ADCY10: variants seen among roughly 807,000 people sequenced by gnomAD.
ADCY10 encodes adenylate cyclase type 10.
In ADCY10, 156 loss-of-function variants were observed where a neutral mutation model predicts 183.3. That is an observed-to-expected ratio of 0.85 (90% CI 0.75 to 0.97). ADCY10 has a LOEUF of 0.97. Ranked by LOEUF, ADCY10 falls within the 50% of genes least tolerant of loss-of-function variation. ADCY10 has a pLI of 0.00. For missense variants in ADCY10, 1,745 were observed against 1,934.3 expected, an observed-to-expected ratio of 0.90 and a Z score of 1.84; for synonymous variants, 645 against 670.0, an observed-to-expected ratio of 0.96 and a Z score of 0.58.
At chr1:167,909,373 T>C (rs1670010766) in intron 1 of ADCY10, among the ~76,000 whole-genome samples, 2 of 152,200 alleles carry the variant, frequency 1.3e-5, no homozygotes, top group Non-Finnish European at 2.9e-5. Flanking sequence ...AAAAGATGTA[T>C]GCATTTCTCC....
chr1:167,848,570 G>C, intron 18 of ADCY10, 81 bp from the exon 19 acceptor site: 1 of 1,472,232 alleles, frequency 6.8e-7, no homozygotes, highest in Non-Finnish European at 9.5e-7. Flanking sequence ...CTTTGAGATG[G>C]ATCTCATATG....
Position 167,846,118 on chromosome 1 carries a change from C to T in ADCY10, c.2583G>A (p.Leu861=). 2.5e-6 allele frequency: 4 copies of T among 1,614,152 alleles called. No individual in the cohort carries two copies. The highest frequency in any genetic ancestry group is 2.5e-6 in the Non-Finnish European group (3 of 1,180,018). Residue 861 remains leucine (L), a synonymous_variant, in exon 20 of 33, where the codon CTG becomes CTA. Transcript: ENST00000367851. ...CWNMKMMIKT[L]ATLVESNIFY... The stretch of plus-strand genomic sequence containing the variant: ...AAATGTTAGATTCCACTAGGGTTGC[C>T]AGGGTCTTGATCATCATCTTCATAT...
At chr1:167,853,097 C>T (rs891061621) in intron 18 of ADCY10, among the ~76,000 whole-genome samples, 1 of 152,166 alleles carries the variant, frequency 6.6e-6, no homozygotes, top group African/African-American at 2.4e-5. Flanking sequence ...ACCGTATTCA[C>T]CTCATCATGA....
intron 25 of ADCY10, among the ~76,000 whole-genome samples, chr1:167,830,569 T>G (rs1663646252): frequency 6.6e-6 from 1 of 152,098 alleles, no homozygotes; most frequent in South Asian, 2.1e-4. Context: ...TTATTTTGTG[T>G]TTTTGGTAGA....
At position 167,875,130 on chromosome 1, in the gene ADCY10, C is replaced by A. The variant is rs1667359644; in HGVS notation, c.1462+1G>T. On this transcript the variant is annotated splice_donor_variant, in intron 13 of 32. Transcript: ENST00000367851. LOFTEE classifies it high-confidence loss of function. ...GTTTAAAATCAAGGCCTACTACCTA[C>A]CCAGCAAAGGGTAATCCTCCTTTCT... 1.9e-6 allele frequency: 3 copies of A among 1,613,858 alleles called. No homozygotes were observed. Among genetic ancestry groups the A allele is most frequent in the Non-Finnish European group, 2.5e-6 (3 of 1,179,866 alleles).
intron 16 of ADCY10, among the ~76,000 whole-genome samples, chr1:167,858,148 T>G (rs1212254589): frequency 6.6e-6 from 1 of 152,032 alleles, no homozygotes; most frequent in Non-Finnish European, 1.5e-5. Context: ...TATGTACAAT[T>G]ATGAGGCACA....
chr1:167,866,508 C>T (rs527564954), intron 14 of ADCY10, among the ~76,000 whole-genome samples: 7 of 132,642 alleles, frequency 5.3e-5, no homozygotes, highest in African/African-American at 1.1e-4. Flanking sequence ...CCTGACCTGA[C>T]GAAAGTGCAC....
rs1227571717 is a variant in ADCY10, at chr1:167,829,191, C to T, written c.3750+76G>A. 3.9e-6 allele frequency: 6 copies of T among 1,553,258 alleles called. No homozygotes were observed. The African/African-American group carries it at 8.1e-5, about 21-fold the overall frequency. ...TATTATATCCTCAGAATTTTGAATC[C>T]TAATTGGCTTTCACTAGGCTTTTCT... On this transcript the variant is annotated intron_variant, in intron 26 of 32. Transcript: ENST00000367851.
chr1:167,904,029 G>T, intron 2 of ADCY10, 38 bp from the exon 3 acceptor site: 1 of 1,453,340 alleles, frequency 6.9e-7, no homozygotes, highest in Non-Finnish European at 9.6e-7. Flanking sequence ...TGGCTGCTTG[G>T]GGGAATCAAA....
chr1:167,882,705 G>A (rs1667954027), intron 9 of ADCY10, among the ~76,000 whole-genome samples: 2 of 73,630 alleles, frequency 2.7e-5, no homozygotes, highest in South Asian at 3.1e-4. Context: ...TGTGTAGTGA[G>A]AGGTAGCCCA....
Position 167,824,845 on chromosome 1 carries a change from GC to G in ADCY10, c.3760del (p.Ala1254LeufsTer3). ...ETQNCFQIIK[A>X]YLDYSLYHHL... The stretch of plus-strand genomic sequence containing the variant: ...GTGGTATAGCGAATAGTCTAGGTAA[GC>G]CTTAATGATCTGAAATGGCAGAGTG... On this transcript the variant is annotated frameshift_variant, in exon 27 of 33. Coordinates refer to ENST00000367851, the MANE Select transcript of ADCY10 (RefSeq NM_018417.6). LOFTEE classifies it high-confidence loss of function. The G allele has an allele frequency of 6.2e-7, 1 of 1,614,248 alleles. No individual in the cohort carries two copies. Among genetic ancestry groups the G allele is most frequent in the African/African-American group, 1.3e-5 (1 of 75,070 alleles).
At chr1:167,902,294 C>G (rs542100971) in intron 3 of ADCY10, among the ~76,000 whole-genome samples, 1 of 152,246 alleles carries the variant, frequency 6.6e-6, no homozygotes, top group Non-Finnish European at 1.5e-5. Flanking sequence ...TGGGGAAAGA[C>G]AGGAGAAAGG....
At chr1:167,814,545 TAGAC>T (rs3054813) in intron 31 of ADCY10, among the ~76,000 whole-genome samples, 30,157 of 151,804 alleles carry the variant, frequency 0.2, 3,597 homozygotes, top group Admixed American at 0.26. Context: ...AAGGTAGAAA[TAGAC>T]AGTTCTATAA....
At chr1:167,851,049 A>G (rs1403878273) in intron 18 of ADCY10, among the ~76,000 whole-genome samples, 1 of 152,084 alleles carries the variant, frequency 6.6e-6, no homozygotes, top group Non-Finnish European at 1.5e-5. Context: ...CCTTTGCCCT[A>G]TTTACTATAT....
chr1:167,824,674 T>C lies in ADCY10; in HGVS notation c.3932A>G (p.His1311Arg), dbSNP rs1283817044. 2 of 1,614,186 alleles carry C rather than the reference T, an allele frequency of 1.2e-6. No individual in the cohort carries two copies. Among genetic ancestry groups the C allele is most frequent in the East Asian group, 2.2e-5 (1 of 44,882 alleles). The change falls in exon 27 of 33, where the codon CAC becomes CGC. Residue 1311 changes from histidine to arginine, a missense_variant. Coordinates refer to ENST00000367851, the MANE Select transcript of ADCY10 (RefSeq NM_018417.6). ...ACCTAACTCAATGGCCAAATCCAGG[T>C]GTCCCATTATGAGCTTGTTGAAGAC... ...TLVFNKLIMG[H>R]LDLAIELGSR...
intron 2 of ADCY10, 110 bp from the exon 3 acceptor site, chr1:167,904,101 T>C: frequency 1.5e-6 from 1 of 677,462 alleles, no homozygotes; most frequent in Non-Finnish European, 2.5e-6. Flanking sequence ...TTTTTTTTTT[T>C]TTTTGAGACA....
chr1:167,910,694 C>T (rs541224386), intron 1 of ADCY10, among the ~76,000 whole-genome samples: 7 of 152,128 alleles, frequency 4.6e-5, no homozygotes, highest in African/African-American at 9.7e-5. Context: ...CAGTATGTTC[C>T]GTAGGCATGG....
chr1:167,891,138 T>C (rs550210542), intron 8 of ADCY10, among the ~76,000 whole-genome samples: 1 of 151,990 alleles, frequency 6.6e-6, no homozygotes, highest in African/African-American at 2.4e-5. Context: ...ATTTTTGTAT[T>C]TTTAGTAGAG....
At chr1:167,889,264 T>C (rs1366587873) in intron 8 of ADCY10, among the ~76,000 whole-genome samples, 2 of 152,194 alleles carry the variant, frequency 1.3e-5, no homozygotes, top group Non-Finnish European at 2.9e-5. Flanking sequence ...ACACAGTTTT[T>C]TGGGAATTTT....
Sources: allele counts gnomAD v4.1 joint callset (sites outside exome capture counted in the v4.1 genomes callset), GRCh38; gene constraint gnomAD v4.1.1; transcripts MANE v1.5; gene names NCBI Gene and HGNC (gene_info 2026-07-23, HGNC 2026-07-21).